The following SDK1 variants were observed in gnomAD, a reference collection of about 807,000 sequenced individuals.
SDK1 encodes the protein protein sidekick-1.
In SDK1, 157 loss-of-function variants were observed where a neutral mutation model predicts 245.5. The ratio of observed to expected loss-of-function variants is 0.64; its 90% CI spans 0.56 to 0.73. The LOEUF is 0.73. Among genes scored for constraint, SDK1 ranks in the 30% least tolerant of loss-of-function variants. The pLI, the probability that SDK1 is intolerant of heterozygous loss-of-function variation, is 0.00. For synonymous variants in SDK1, 1,647 were observed against 1,278.5 expected, an observed-to-expected ratio of 1.29 and a Z score of -6.15; for missense variants, 3,583 against 3,002.3, an observed-to-expected ratio of 1.19 and a Z score of -4.52.
chr7:4,056,007 A>G (rs1327975240), intron 19 of SDK1, among the ~76,000 whole-genome samples: 1 of 152,158 alleles, frequency 6.6e-6, no homozygotes, highest in Non-Finnish European at 1.5e-5. Flanking sequence ...ATATAATTTT[A>G]GTTATTTTAT....
At chr7:3,353,569 T>C (rs982839784) in intron 1 of SDK1, among the ~76,000 whole-genome samples, 5 of 152,222 alleles carry the variant, frequency 3.3e-5, no homozygotes, top group African/African-American at 1.2e-4. Flanking sequence ...GTGCCCTGTG[T>C]GTAGTTTCTG....
At chr7:3,664,003 C>G (rs1457684148) in intron 4 of SDK1, among the ~76,000 whole-genome samples, 1 of 152,032 alleles carries the variant, frequency 6.6e-6, no homozygotes, top group Non-Finnish European at 1.5e-5. Context: ...TTTCCGGGCC[C>G]CTAACATCTC....
intron 28 of SDK1, among the ~76,000 whole-genome samples, chr7:4,138,490 A>G (rs1779242186): frequency 6.6e-6 from 1 of 152,118 alleles, no homozygotes; most frequent in South Asian, 2.1e-4. Flanking sequence ...TCATGCCTGT[A>G]ATCCCAGCAC....
intron 1 of SDK1, among the ~76,000 whole-genome samples, chr7:3,329,344 T>C (rs73046656): frequency 0.1 from 15,722 of 152,150 alleles, 1,016 homozygotes; most frequent in African/African-American, 0.18. Flanking sequence ...CTTTTTCACA[T>C]ACTTTTTTGA....
intron 4 of SDK1, among the ~76,000 whole-genome samples, chr7:3,733,461 C>T (rs1421644031): frequency 1.3e-5 from 2 of 152,184 alleles, no homozygotes; most frequent in Non-Finnish European, 2.9e-5. Context: ...CGGATTCATA[C>T]AGTCTTCTAT....
rs766155451 is a variant in SDK1, at chr7:4,175,769, C to T, written c.4937-6C>T. The T allele has an allele frequency of 5.9e-5, 96 of 1,613,468 alleles. No homozygotes were observed. The highest frequency in any genetic ancestry group is 1.0e-4 in the Admixed American group (6 of 60,016). ...AACCACCTTTCTGCTTTGCTTACCC[C>T]AATAGCCCAAAGCAGCTTCAAGACG... On this transcript the variant is annotated splice_polypyrimidine_tract_variant and splice_region_variant and intron_variant, in intron 33 of 44. Transcript: ENST00000404826.
chr7:4,061,574 C>T (rs1258532301), intron 19 of SDK1, among the ~76,000 whole-genome samples: 17 of 152,010 alleles, frequency 1.1e-4, no homozygotes, highest in Admixed American at 9.2e-4. Context: ...GTCAGTGTGG[C>T]GATTCCTCAG....
chr7:3,668,927 C>G (rs1388099994), intron 4 of SDK1, among the ~76,000 whole-genome samples: 2 of 152,196 alleles, frequency 1.3e-5, no homozygotes, highest in Non-Finnish European at 2.9e-5. Context: ...AGCCATAGAC[C>G]TGTCCCTGTG....
At chr7:3,604,829 C>A (rs1323429792) in intron 1 of SDK1, among the ~76,000 whole-genome samples, 6 of 151,652 alleles carry the variant, frequency 4.0e-5, no homozygotes, top group Admixed American at 3.9e-4. Flanking sequence ...CTTGAACTCC[C>A]AACTTCTGGT....
At chr7:3,394,618 C>T (rs917896338) in intron 1 of SDK1, among the ~76,000 whole-genome samples, 2 of 151,832 alleles carry the variant, frequency 1.3e-5, no homozygotes, top group African/African-American at 4.8e-5. Flanking sequence ...GGGAGAATTG[C>T]CATTTTAACA....
At chr7:3,928,860 C>T (rs1779870953) in intron 5 of SDK1, among the ~76,000 whole-genome samples, 1 of 152,230 alleles carries the variant, frequency 6.6e-6, no homozygotes, top group South Asian at 2.1e-4. Flanking sequence ...CAAATTCAGA[C>T]AGCAAAGTGG....
chr7:4,007,383 G>C (rs1289033316), intron 14 of SDK1, among the ~76,000 whole-genome samples: 1 of 152,092 alleles, frequency 6.6e-6, no homozygotes, highest in East Asian at 1.9e-4. Flanking sequence ...CAGCCTCCCA[G>C]TGAGGAAGAA....
intron 4 of SDK1, among the ~76,000 whole-genome samples, chr7:3,654,579 A>G (rs1309321508): frequency 6.6e-6 from 1 of 152,194 alleles, no homozygotes; most frequent in Non-Finnish European, 1.5e-5. Context: ...GTTGGACTTA[A>G]TGAAGGTCAC....
chr7:3,548,956 C>G (rs967741190), intron 1 of SDK1, among the ~76,000 whole-genome samples: 3 of 152,348 alleles, frequency 2.0e-5, no homozygotes, highest in South Asian at 4.1e-4. Flanking sequence ...AGAACAACAA[C>G]AGTAGGGTTT....
intron 1 of SDK1, among the ~76,000 whole-genome samples, chr7:3,534,841 A>G (rs574918708): frequency 6.6e-6 from 1 of 152,278 alleles, no homozygotes; most frequent in East Asian, 1.9e-4. Flanking sequence ...TGTGCCAATC[A>G]TGTTCAAAAT....
intron 5 of SDK1, among the ~76,000 whole-genome samples, chr7:3,918,734 C>T (rs1304144035): frequency 6.6e-6 from 1 of 152,208 alleles, no homozygotes; most frequent in African/African-American, 2.4e-5. Context: ...CCCTGAAGCA[C>T]TCAGGAGACA....
At chr7:3,944,784 A>G (rs1393219998) in intron 5 of SDK1, among the ~76,000 whole-genome samples, 1 of 152,220 alleles carries the variant, frequency 6.6e-6, no homozygotes, top group African/African-American at 2.4e-5. Context: ...AAAGAAAGGG[A>G]GAGGAGCCAG....
Position 3,962,784 on chromosome 7 carries a change from A to C in SDK1, c.1362A>C (p.Gly454=). 6.2e-7 allele frequency: 1 copy of C among 1,613,702 alleles called. No individual in the cohort carries two copies. Among genetic ancestry groups the C allele is most frequent in the South Asian group, 1.1e-5 (1 of 91,060 alleles). Residue 454 remains glycine (G), a synonymous_variant, in exon 9 of 45, where the codon GGA becomes GGC. Coordinates refer to ENST00000404826, the MANE Select transcript of SDK1 (RefSeq NM_152744.4). Reference sequence around the variant, plus strand: ...AGAAGCTGCGTCCAGAGGACTCCGGAATCTTCCAGTGCTTCGCCAGCAATG... The same window carrying C: ...AGAAGCTGCGTCCAGAGGACTCCGGCATCTTCCAGTGCTTCGCCAGCAATG... ...RIQKLRPEDS[G]IFQCFASNEG...
At chr7:3,675,250 C>A (rs1313639163) in intron 4 of SDK1, among the ~76,000 whole-genome samples, 1 of 152,176 alleles carries the variant, frequency 6.6e-6, no homozygotes, top group Non-Finnish European at 1.5e-5. Flanking sequence ...AACCTGTTAG[C>A]TTTCCTTTCA....
Sources: gnomAD v4.1 joint callset for allele counts (sites outside exome capture counted in the v4.1 genomes callset) on GRCh38, gnomAD v4.1.1 for gene constraint, MANE v1.5 for transcripts, NCBI Gene and HGNC (gene_info 2026-07-23, HGNC 2026-07-21) for gene names.